FILIP1: variants seen among roughly 807,000 people sequenced by gnomAD.
The protein encoded by FILIP1 is filamin-A-interacting protein 1.
In FILIP1, 61 loss-of-function variants were observed where a neutral mutation model predicts 102.1. The observed-to-expected ratio is 0.60, with a 90% CI of 0.49 to 0.74. The LOEUF (loss-of-function observed/expected upper bound fraction) is 0.74. FILIP1 is among the 30% of genes least tolerant of loss of function. FILIP1 has a pLI of 0.00. For missense variants in FILIP1, 1,314 were observed against 1,441.2 expected, an observed-to-expected ratio of 0.91 and a Z score of 1.43; for synonymous variants, 491 against 526.9, an observed-to-expected ratio of 0.93 and a Z score of 0.93.
chr6:75,312,681 G>T lies in FILIP1; in HGVS notation c.3151C>A (p.Arg1051=), dbSNP rs369831904. ...ATATTGGCATTGGAGTTGTATTTCC[G>T]TACTGGAGTTGGAACAGTCTGTTTT... is the stretch of plus-strand genomic sequence containing the variant. The part of the protein sequence containing the change: ...PEKQTVPTPV[R]KYNSNANIIT... The change falls in exon 5 of 6, where the codon CGG becomes AGG. Residue 1051 remains arginine (R), a synonymous_variant. Coordinates refer to ENST00000237172, the MANE Select transcript of FILIP1 (RefSeq NM_015687.5). 7 of 1,614,154 alleles carry T rather than the reference G, an allele frequency of 4.3e-6. No homozygotes were observed. Among genetic ancestry groups the T allele is most frequent in the Middle Eastern group, 1.6e-4 (1 of 6,062 alleles).
At position 75,452,100 on chromosome 6, in the gene FILIP1, G is replaced by GTT. The variant is rs35845880; in HGVS notation, c.-6-37124_-6-37123dup. On this transcript the variant is annotated intron_variant, in intron 1 of 5. Transcript: ENST00000237172. ...TTTATTGACAAGGATTTCTACCAAAGTTTTTTTTTTTTTTAGTTATTATTA... is the reference window on the plus strand; with the variant it reads ...TTTATTGACAAGGATTTCTACCAAAGTTTTTTTTTTTTTTTTAGTTATTATTA... 4.5e-3 allele frequency among the ~76,000 whole-genome samples: 664 copies of GTT among 146,680 alleles called. 3 individuals carry two copies. Among genetic ancestry groups the GTT allele is most frequent in the Non-Finnish European group, 6.1e-3 (403 of 66,582 alleles).
chr6:75,423,965 GT>G (rs1777555113), intron 1 of FILIP1, among the ~76,000 whole-genome samples: 2 of 152,148 alleles, frequency 1.3e-5, no homozygotes, highest in African/African-American at 4.8e-5. Flanking sequence ...TTTGAGCTTA[GT>G]TTTAATGATT....
At chr6:75,358,986 G>C (rs1011568448) in intron 3 of FILIP1, among the ~76,000 whole-genome samples, 1 of 149,334 alleles carries the variant, frequency 6.7e-6, no homozygotes, top group African/African-American at 2.5e-5. Flanking sequence ...GGGATTACAG[G>C]CGTGAGCCAC....
intron 4 of FILIP1, among the ~76,000 whole-genome samples, chr6:75,336,517 A>C (rs560738248): frequency 6.6e-6 from 1 of 152,000 alleles, no homozygotes; most frequent in African/African-American, 2.4e-5. Flanking sequence ...GAAAAAAAAA[A>C]GGGAATCAAG....
chr6:75,314,088 C>T lies in FILIP1; in HGVS notation c.1744G>A (p.Glu582Lys). The T allele has an allele frequency of 1.3e-6, 2 of 1,503,596 alleles. No homozygotes were observed. The highest frequency in any genetic ancestry group is 2.8e-5 in the African/African-American group (2 of 70,262). 93.1% of individuals were successfully genotyped at this position (1,503,596 alleles called of 1,614,324 possible). A position where few individuals can be genotyped will look rare whatever the true frequency, so the allele number is the denominator to read the frequency against. ...RDELIGKLKS[E>K]EEKSSELSCS... ...CTTAATTCAGAGGATTTTTCTTCTT[C>T]ACTTTTCAATTTGCCTATCAACTCA... Residue 582 changes from glutamate (E) to lysine (K), a missense_variant, in exon 5 of 6, where the codon GAA becomes AAA. Coordinates refer to ENST00000237172, the MANE Select transcript of FILIP1 (RefSeq NM_015687.5).
chr6:75,379,192 T>C (rs939328075), intron 2 of FILIP1, among the ~76,000 whole-genome samples: 3 of 152,224 alleles, frequency 2.0e-5, no homozygotes, highest in African/African-American at 7.2e-5. Flanking sequence ...ACCAAGGATA[T>C]ACAGTTGATT....
chr6:75,472,490 G>A (rs1779361275), intron 1 of FILIP1, among the ~76,000 whole-genome samples: 1 of 152,078 alleles, frequency 6.6e-6, no homozygotes, highest in Non-Finnish European at 1.5e-5. Flanking sequence ...CACATTGCAT[G>A]TTTTGTGATA....
At chr6:75,474,489 C>G (rs1779417904) in intron 1 of FILIP1, among the ~76,000 whole-genome samples, 1 of 152,178 alleles carries the variant, frequency 6.6e-6, no homozygotes, top group Non-Finnish European at 1.5e-5. Flanking sequence ...TCAGACCCGA[C>G]AATGGGTCTT....
intron 1 of FILIP1, among the ~76,000 whole-genome samples, chr6:75,487,463 C>T (rs1779822167): frequency 6.6e-6 from 1 of 152,022 alleles, no homozygotes; most frequent in Non-Finnish European, 1.5e-5. Flanking sequence ...GAGGCAAGGC[C>T]TAAAATGAGT....
rs1562439478 is a variant in FILIP1, at chr6:75,313,489, G to A, written c.2343C>T (p.Arg781=). The A allele has an allele frequency of 6.2e-7, 1 of 1,614,196 alleles. No homozygotes were observed. The highest frequency in any genetic ancestry group is 8.5e-7 in the Non-Finnish European group (1 of 1,180,050). ...CACTGGGCCTAAGAGCTCTGCTGTA[G>A]CGCTTGGAAAGCTCCAACTCTTTGG... ...NLTKELELSK[R]YSRALRPSVN... is the part of the protein sequence containing the mutation. Residue 781 remains arginine (R), a synonymous_variant, in exon 5 of 6, where the codon CGC becomes CGT. Transcript: ENST00000237172. This position sits in a 1 kb window ranked among gnomAD's most constrained non-coding sequence, Gnocchi z 4.2.
chr6:75,477,509 T>C (rs1779513600), intron 1 of FILIP1, among the ~76,000 whole-genome samples: 1 of 152,020 alleles, frequency 6.6e-6, no homozygotes, highest in African/African-American at 2.4e-5. Context: ...TATCAAAACA[T>C]CACATTATAC....
chr6:75,488,749 A>C (rs1779867732), intron 1 of FILIP1, among the ~76,000 whole-genome samples: 1 of 152,200 alleles, frequency 6.6e-6, no homozygotes, highest in African/African-American at 2.4e-5. Context: ...TTGCCACTAA[A>C]GCTGCTAAGA....
chr6:75,488,379 A>G (rs1052867354), intron 1 of FILIP1, among the ~76,000 whole-genome samples: 1 of 152,080 alleles, frequency 6.6e-6, no homozygotes, highest in Non-Finnish European at 1.5e-5. Context: ...TACCAGAGAA[A>G]GCTATATTCT....
intron 2 of FILIP1, among the ~76,000 whole-genome samples, chr6:75,377,969 C>A (rs1451231051): frequency 6.6e-6 from 1 of 152,204 alleles, no homozygotes; most frequent in East Asian, 1.9e-4. Context: ...TAGTTATGTT[C>A]TATAAAGTTG....
chr6:75,375,718 T>G (rs1245659005), intron 2 of FILIP1, among the ~76,000 whole-genome samples: 2 of 152,222 alleles, frequency 1.3e-5, no homozygotes, highest in African/African-American at 4.8e-5. Context: ...TAAAACTACA[T>G]TGTCTAGCCA....
chr6:75,307,323 T>C (rs1773017593), downstream of FILIP1, among the ~76,000 whole-genome samples: 1 of 152,206 alleles, frequency 6.6e-6, no homozygotes, highest in Admixed American at 6.5e-5. Context: ...AATCTAATCA[T>C]ACATCTTTTT....
At chr6:75,480,144 T>C (rs1779608703) in intron 1 of FILIP1, among the ~76,000 whole-genome samples, 1 of 151,282 alleles carries the variant, frequency 6.6e-6, no homozygotes, top group African/African-American at 2.4e-5. Context: ...GTCCATCTAG[T>C]GCATATTTTA....
chr6:75,371,163 G>A (rs1451913305), intron 2 of FILIP1, among the ~76,000 whole-genome samples: 1 of 152,154 alleles, frequency 6.6e-6, no homozygotes, highest in African/African-American at 2.4e-5. Flanking sequence ...ATACAACTAT[G>A]TACAAGAAGA....
At position 75,314,058 on chromosome 6, in the gene FILIP1, T is replaced by C; in HGVS notation, c.1774A>G (p.Ser592Gly). The C allele has an allele frequency of 6.6e-7, 1 of 1,515,550 alleles. No homozygotes were observed. The highest frequency in any genetic ancestry group is 8.8e-7 in the Non-Finnish European group (1 of 1,140,346). The allele number at this position is 1,515,550 out of a possible 1,614,324, so 93.9% of individuals were successfully genotyped here. ...EEEKSSELSC[S>G]VDLLKKRLDG... The stretch of plus-strand genomic sequence containing the variant: ...AGTCTCTTCTTTAGTAAGTCAACAC[T>C]GCAGCTTAATTCAGAGGATTTTTCT... Residue 592 changes from serine to glycine, a missense_variant, in exon 5 of 6, where the codon AGT becomes GGT. By Grantham distance (56) the Ser-to-Gly change is moderately conservative (BLOSUM62 0). Around this residue, in one of 3 missense-constraint regions of FILIP1, gnomAD observed 816 missense variants for 913.1 expected, o/e 0.89. Coordinates refer to ENST00000237172, the MANE Select transcript of FILIP1 (RefSeq NM_015687.5).
Sources: allele counts gnomAD v4.1 joint callset (sites outside exome capture counted in the v4.1 genomes callset), GRCh38; gene constraint gnomAD v4.1.1; regional missense constraint gnomAD v4.1.1; non-coding constraint Gnocchi (gnomAD v3.1); transcripts MANE v1.5; gene names NCBI Gene and HGNC (gene_info 2026-07-23, HGNC 2026-07-21).